The following PTPN20 variants were observed in gnomAD, a reference collection of about 807,000 sequenced individuals.
PTPN20 encodes the protein tyrosine-protein phosphatase non-receptor type 20.
In PTPN20, 9 loss-of-function variants were observed where a neutral mutation model predicts 35.0. That is an observed-to-expected ratio of 0.26 (90% CI 0.15 to 0.45). The LOEUF is 0.45. PTPN20 is among the 20% of genes least tolerant of loss of function. The probability of loss-of-function intolerance (pLI) is 1.00; values close to 1 mark genes in which losing one functional copy is unlikely to be tolerated. For synonymous variants in PTPN20, 32 were observed against 100.2 expected, an observed-to-expected ratio of 0.32 and a Z score of 4.06; for missense variants, 111 against 312.5, an observed-to-expected ratio of 0.36 and a Z score of 4.86.
At chr10:46,997,177 T>A (rs2059263070) in intron 9 of PTPN20, among the ~76,000 whole-genome samples, 1 of 152,172 alleles carries the variant, frequency 6.6e-6, no homozygotes, top group African/African-American at 2.4e-5. Flanking sequence ...AGTGTATAGA[T>A]CTTGTATATG....
At chr10:46,915,612 G>A (rs1209147737) in intron 1 of PTPN20, among the ~76,000 whole-genome samples, 1 of 3,148 alleles carries the variant, frequency 3.2e-4, no homozygotes, top group Non-Finnish European at 5.4e-4. Context: ...AGGCTGAGGC[G>A]GGCGGATCAC....
intron 7 of PTPN20, among the ~76,000 whole-genome samples, chr10:46,983,090 T>A (rs2055999833): frequency 6.7e-6 from 1 of 148,384 alleles, no homozygotes; most frequent in African/African-American, 2.5e-5. Context: ...TTTTTTTGTT[T>A]GAGATGGAGT....
At chr10:46,982,479 T>TA (rs1282506113) in intron 7 of PTPN20, among the ~76,000 whole-genome samples, 2 of 152,144 alleles carry the variant, frequency 1.3e-5, no homozygotes, top group Non-Finnish European at 2.9e-5. Flanking sequence ...CTGTGTCTTT[T>TA]ACCATTTTAA....
chr10:46,926,258 A>G, intron 1 of PTPN20: 1 of 791,744 alleles, frequency 1.3e-6, no homozygotes, highest in Middle Eastern at 6.6e-4. Context: ...ACATTATGAG[A>G]CATTTGTCTG....
intron 9 of PTPN20, among the ~76,000 whole-genome samples, chr10:46,998,590 G>C (rs968178368): frequency 6.6e-6 from 1 of 151,948 alleles, no homozygotes; most frequent in African/African-American, 2.4e-5. Context: ...CTTCACATAT[G>C]ATATAATTGC....
intron 7 of PTPN20, among the ~76,000 whole-genome samples, chr10:46,982,774 C>T (rs2055825972): frequency 6.6e-6 from 1 of 151,836 alleles, no homozygotes; most frequent in South Asian, 2.1e-4. Flanking sequence ...GAACACTTGC[C>T]AGGCTTATTA....
At chr10:46,960,532 A>G (rs1456710928) in intron 5 of PTPN20, among the ~76,000 whole-genome samples, 3 of 151,512 alleles carry the variant, frequency 2.0e-5, no homozygotes, top group African/African-American at 7.3e-5. Flanking sequence ...CTCCATTGAA[A>G]TTCTCCATTT....
intron 9 of PTPN20, among the ~76,000 whole-genome samples, chr10:46,995,809 C>T (rs1053687891): frequency 6.6e-5 from 10 of 152,144 alleles, no homozygotes; most frequent in African/African-American, 1.9e-4. Flanking sequence ...ATTTTTTGCA[C>T]TCTTGGTGCT....
chr10:46,982,899 T>G (rs1160617811), intron 7 of PTPN20, among the ~76,000 whole-genome samples: 3 of 152,230 alleles, frequency 2.0e-5, no homozygotes, highest in African/African-American at 7.2e-5. Context: ...TTAGTAAACA[T>G]AGGTATAAAG....
At position 47,002,090 on chromosome 10, in the gene PTPN20, G is replaced by A. The variant is rs1422518559; in HGVS notation, c.*1349G>A. On this transcript the variant is annotated 3_prime_UTR_variant, in exon 11 of 11. Transcript: ENST00000374339. Reference sequence around the variant, plus strand: ...GGTTGAATAATTAATAATTCTCATTGTAAAAATAATTATATGCCAAAAATA... The same window carrying A: ...GGTTGAATAATTAATAATTCTCATTATAAAAATAATTATATGCCAAAAATA... The A allele has an allele frequency of 6.6e-6, 1 of 152,014 alleles. No homozygotes were observed. Among genetic ancestry groups the A allele is most frequent in the Admixed American group, 6.6e-5 (1 of 15,258 alleles). The allele number at this position is 152,014 out of a possible 1,614,324, so 9.4% of individuals were successfully genotyped here.
At chr10:46,953,335 T>TTTTCTTTCTCTC (rs2047298904) in intron 5 of PTPN20, among the ~76,000 whole-genome samples, 2 of 113,408 alleles carry the variant, frequency 1.8e-5, no homozygotes, top group African/African-American at 8.4e-5. Context: ...CTTTCATTTC[T>TTTTCTTTCTCTC]TTTCTTTCTT....
chr10:46,918,652 T>C (rs2033891638), intron 1 of PTPN20, among the ~76,000 whole-genome samples: 1 of 141,082 alleles, frequency 7.1e-6, no homozygotes, highest in Non-Finnish European at 1.5e-5. Flanking sequence ...TATTTAGAAA[T>C]ATATTGTTTA....
intron 9 of PTPN20, among the ~76,000 whole-genome samples, chr10:46,999,022 G>A (rs1303988026): frequency 6.6e-6 from 1 of 152,106 alleles, no homozygotes; most frequent in Non-Finnish European, 1.5e-5. Context: ...GAGGATTGTA[G>A]TTTGAGATTG....
intron 3 of PTPN20, among the ~76,000 whole-genome samples, chr10:46,941,868 T>C (rs1231321807): frequency 2.3e-5 from 2 of 87,640 alleles, no homozygotes; most frequent in Admixed American, 1.3e-4. Context: ...GCTTTTCTTA[T>C]GTTTCATGAA....
chr10:46,959,239 T>G (rs1482948716), intron 5 of PTPN20, among the ~76,000 whole-genome samples: 1 of 135,532 alleles, frequency 7.4e-6, no homozygotes, highest in African/African-American at 2.9e-5. Context: ...TTGAACCTTT[T>G]ATGATATATA....
In PTPN20 at chr10:47,000,775, CA is replaced by C; in HGVS notation, c.*36del. ...TCTGTTGCCTCTCACTTGAAATTACCAAGTGGGTTTGCACCTCCTCATAAAG... is the reference window on the plus strand; with the variant it reads ...TCTGTTGCCTCTCACTTGAAATTACCAGTGGGTTTGCACCTCCTCATAAAG... On this transcript the variant is annotated 3_prime_UTR_variant, in exon 11 of 11. Transcript: ENST00000374339. 6.2e-7 allele frequency: 1 copy of C among 1,612,568 alleles called. No individual in the cohort carries two copies. The highest frequency in any genetic ancestry group is 8.5e-7 in the Non-Finnish European group (1 of 1,178,726).
At chr10:46,938,151 A>C (rs1199446375) in intron 2 of PTPN20, among the ~76,000 whole-genome samples, 1 of 150,694 alleles carries the variant, frequency 6.6e-6, no homozygotes, top group Admixed American at 6.6e-5. Context: ...GGGTTTCACC[A>C]TGTTTGTCAG....
At position 46,937,769 on chromosome 10, in the gene PTPN20, A is replaced by G. The variant is rs377567773; in HGVS notation, c.35-2854A>G. ...ATAATAGTTAAAAGTTCTTTTTTCTAAATTTTATCATCTGTCATTTCTAAG... is the reference window on the plus strand; with the variant it reads ...ATAATAGTTAAAAGTTCTTTTTTCTGAATTTTATCATCTGTCATTTCTAAG... On this transcript the variant is annotated intron_variant, in intron 2 of 10. Coordinates refer to ENST00000374339, the MANE Select transcript of PTPN20 (RefSeq NM_001042357.5). Among the ~76,000 whole-genome samples the G allele has an allele frequency of 3.0e-4, 46 of 152,046 alleles. No individual in the cohort carries two copies. In the South Asian group the frequency reaches 9.2e-3, roughly 30 times the overall value.
chr10:46,941,401 ACTTGATTATT>A (rs1427992990), intron 3 of PTPN20, among the ~76,000 whole-genome samples: 2 of 132,044 alleles, frequency 1.5e-5, no homozygotes, highest in African/African-American at 6.5e-5. Flanking sequence ...CAGTGTTGTA[ACTTGATTATT>A]ATCTCCTGTC....
Sources: gnomAD v4.1 joint callset for allele counts (sites outside exome capture counted in the v4.1 genomes callset) on GRCh38, gnomAD v4.1.1 for gene constraint, MANE v1.5 for transcripts, NCBI Gene and HGNC (gene_info 2026-07-23, HGNC 2026-07-21) for gene names.